The following CCDC93 variants were observed in gnomAD, a reference collection of about 807,000 sequenced individuals.
CCDC93 encodes CCC complex scaffolding subunit CCDC93.
Under a neutral mutation model 108.2 loss-of-function variants are expected in CCDC93, and 61 were observed. The observed-to-expected ratio is 0.56, with a 90% CI of 0.46 to 0.70. The LOEUF (loss-of-function observed/expected upper bound fraction) is 0.70, where lower values mean the gene tolerates loss of function less well. Ranked by LOEUF, CCDC93 falls within the 30% of genes least tolerant of loss-of-function variation. CCDC93 has a pLI of 0.00. For synonymous variants in CCDC93, 276 were observed against 260.4 expected (o/e 1.06, Z -0.58); for missense variants, 685 against 764.2 (o/e 0.90, Z 1.22).
intron 11 of CCDC93, among the ~76,000 whole-genome samples, chr2:117,959,106 G>A (rs1467964798): frequency 6.6e-6 from 1 of 152,330 alleles, no homozygotes; most frequent in South Asian, 2.1e-4. Context: ...AGGACCAGGA[G>A]TGAGTGTGAG....
At chr2:117,974,559 A>G (rs1345671412) in intron 10 of CCDC93, among the ~76,000 whole-genome samples, 1 of 152,178 alleles carries the variant, frequency 6.6e-6, no homozygotes, top group Non-Finnish European at 1.5e-5. Context: ...CTGCCTCAGC[A>G]TGAGGCATAA....
At chr2:117,923,652 G>A (rs1262125213) in intron 23 of CCDC93, among the ~76,000 whole-genome samples, 2 of 138,610 alleles carry the variant, frequency 1.4e-5, no homozygotes, top group Non-Finnish European at 3.1e-5. Context: ...CGCAGCACAA[G>A]GAGGCCTGCC....
At chr2:117,936,632 TGTGAGGTG>T in intron 21 of CCDC93, 62 bp downstream of exon 21, 1 of 1,187,774 alleles carries the variant, frequency 8.4e-7, no homozygotes, top group Non-Finnish European at 1.3e-6. Flanking sequence ...ATTATAGCAA[TGTGAGGTG>T]GGCTGAATTC....
chr2:117,920,428 G>A, intron 23 of CCDC93, 32 bp from the exon 24 acceptor site: 1 of 1,542,460 alleles, frequency 6.5e-7, no homozygotes, highest in South Asian at 1.1e-5. Flanking sequence ...TAGAGAGAGT[G>A]GTGACTACAT....
intron 18 of CCDC93, among the ~76,000 whole-genome samples, chr2:117,942,406 G>A (rs923168519): frequency 6.6e-6 from 1 of 152,068 alleles, no homozygotes; most frequent in African/African-American, 2.4e-5. Context: ...ATGCACATGG[G>A]AGCCTCTGTC....
intron 23 of CCDC93, among the ~76,000 whole-genome samples, 166 bp from the exon 24 acceptor site, chr2:117,920,562 C>T (rs1349620913): frequency 6.6e-6 from 1 of 152,220 alleles, no homozygotes; most frequent in African/African-American, 2.4e-5. Context: ...TGATGACCTA[C>T]TGACATCAAC....
intron 23 of CCDC93, among the ~76,000 whole-genome samples, chr2:117,929,505 C>G (rs984638198): frequency 6.6e-6 from 1 of 152,196 alleles, no homozygotes; most frequent in African/African-American, 2.4e-5. Context: ...TGAGAGCCTG[C>G]AGGGCAAGAA....
intron 8 of CCDC93, 22 bp from the exon 9 acceptor site, chr2:117,975,302 C>G (rs1190062309): frequency 2.6e-6 from 4 of 1,562,626 alleles, no homozygotes; most frequent in Non-Finnish European, 3.5e-6. Flanking sequence ...GATGTGAAAA[C>G]AGCTGAGCAC....
chr2:118,005,825 AC>A (rs1383100926), intron 3 of CCDC93, among the ~76,000 whole-genome samples: 1 of 152,218 alleles, frequency 6.6e-6, no homozygotes, highest in African/African-American at 2.4e-5. Context: ...CAAGAAAAAA[AC>A]AAAGGCAATT....
At chr2:118,000,063 T>G (rs542874250) in intron 4 of CCDC93, 2 of 152,292 alleles carry the variant, frequency 1.3e-5, no homozygotes, top group Admixed American at 1.3e-4. Flanking sequence ...GGACTGAATA[T>G]CTACAAATTG....
chr2:117,926,069 A>C (rs2104703759), intron 23 of CCDC93, among the ~76,000 whole-genome samples: 1 of 152,310 alleles, frequency 6.6e-6, no homozygotes, highest in Middle Eastern at 3.4e-3. Flanking sequence ...TTTGAAACCA[A>C]CGAGAACAAA....
chr2:117,917,269 A>C lies in CCDC93; in HGVS notation c.*3074T>G, dbSNP rs1407259827. 5 of 152,620 alleles carry C rather than the reference A, an allele frequency of 3.3e-5. No homozygotes were observed. Among genetic ancestry groups the C allele is most frequent in the Non-Finnish European group, 7.3e-5 (5 of 68,052 alleles). The allele number at this position is 152,620 out of a possible 1,614,324, so 9.5% of individuals were successfully genotyped here. ...GGTCTGCTTCGGTCACTAGAGACGTACTGGGGCCTGACAACATCAACAACG... is the reference window on the plus strand; with the variant it reads ...GGTCTGCTTCGGTCACTAGAGACGTCCTGGGGCCTGACAACATCAACAACG... On this transcript the variant is annotated 3_prime_UTR_variant, in exon 24 of 24. Coordinates refer to ENST00000376300, the MANE Select transcript of CCDC93 (RefSeq NM_019044.5).
intron 16 of CCDC93, 131 bp downstream of exon 16, chr2:117,946,680 G>C: frequency 3.1e-6 from 2 of 647,766 alleles, no homozygotes; most frequent in South Asian, 3.9e-5. Flanking sequence ...GAAGGTCACA[G>C]AAGGAAAACA....
Position 118,000,878 on chromosome 2 carries a change from C to G in CCDC93, c.306G>C (p.Gln102His), listed in dbSNP as rs767103390. 1.2e-6 allele frequency: 2 copies of G among 1,613,842 alleles called. No individual in the cohort carries two copies. Among genetic ancestry groups the G allele is most frequent in the South Asian group, 2.2e-5 (2 of 91,074 alleles). Reference protein sequence around the residue: ...SVLPRMKCPHQLEPHQIQGMD... With the variant: ...SVLPRMKCPHHLEPHQIQGMD... ...TCCCCTGGATCTGGTGGGGCTCCAG[C>G]TGGTGTGGGCATTTCATCCTTGGCA... The change falls in exon 4 of 24, where the codon CAG (glutamine) becomes CAC (histidine). Residue 102 changes from glutamine (Q) to histidine (H), a missense_variant. Coordinates refer to ENST00000376300, the MANE Select transcript of CCDC93 (RefSeq NM_019044.5).
intron 23 of CCDC93, among the ~76,000 whole-genome samples, chr2:117,924,699 C>T (rs915673324): frequency 6.6e-6 from 1 of 152,198 alleles, no homozygotes; most frequent in African/African-American, 2.4e-5. Context: ...AGTTGGAAAA[C>T]ACTCTGCAGG....
intron 23 of CCDC93, among the ~76,000 whole-genome samples, chr2:117,922,801 C>A (rs1054472907): frequency 1.3e-5 from 2 of 152,080 alleles, no homozygotes; most frequent in East Asian, 3.9e-4. Flanking sequence ...ACAAATTAAA[C>A]TGTAATATAT....
intron 1 of CCDC93, among the ~76,000 whole-genome samples, chr2:118,009,365 T>C (rs1676962989): frequency 6.6e-6 from 1 of 151,908 alleles, no homozygotes; most frequent in African/African-American, 2.4e-5. Flanking sequence ...AGCAAGACTC[T>C]GTCTCAAAAA....
intron 3 of CCDC93, among the ~76,000 whole-genome samples, chr2:118,004,547 G>T (rs1190131090): frequency 6.6e-6 from 1 of 152,190 alleles, no homozygotes; most frequent in Non-Finnish European, 1.5e-5. Flanking sequence ...CAAACATAAG[G>T]CAGTTTTAGT....
intron 3 of CCDC93, among the ~76,000 whole-genome samples, chr2:118,003,464 C>T (rs1304114252): frequency 6.6e-6 from 1 of 152,278 alleles, no homozygotes; most frequent in Non-Finnish European, 1.5e-5. Context: ...TATGCAGGGG[C>T]ACGTGATCAA....
Sources: gnomAD v4.1 joint callset for allele counts (sites outside exome capture counted in the v4.1 genomes callset) on GRCh38, gnomAD v4.1.1 for gene constraint, MANE v1.5 for transcripts, NCBI Gene and HGNC (gene_info 2026-07-23, HGNC 2026-07-21) for gene names.